PDHX: variants seen among roughly 807,000 people sequenced by gnomAD.
PDHX encodes pyruvate dehydrogenase complex component X.
A neutral mutation model predicts 55.3 loss-of-function variants in PDHX; 33 were observed. That is an observed-to-expected ratio of 0.60 (90% confidence interval 0.45 to 0.80). The LOEUF is 0.80. Among genes scored for constraint, PDHX ranks in the 30% least tolerant of loss-of-function variants. The pLI is 0.00. For synonymous variants in PDHX, 226 were observed against 219.4 expected (o/e 1.03, Z -0.27); for missense variants, 622 against 619.9 (o/e 1.00, Z -0.04).
rs571507210 is a variant in PDHX at position 34,953,825 on chromosome 11, A to G, written c.343-3559A>G. Among the ~76,000 whole-genome samples, 8 of 152,328 alleles carry G rather than the reference A, an allele frequency of 5.3e-5. No homozygotes were observed. The South Asian group carries it at 6.2e-4, about 12-fold the overall frequency. ...AATTTTCTCATCTATAAATGGGAAT[A>G]ATGATAGTATTTACCTCAGAAGGTT... is the stretch of plus-strand genomic sequence containing the variant. On this transcript the variant is annotated intron_variant, in intron 3 of 10. Transcript: ENST00000227868.
intron 8 of PDHX, among the ~76,000 whole-genome samples, chr11:34,983,109 G>A (rs996864939): frequency 2.0e-5 from 3 of 152,168 alleles, no homozygotes; most frequent in Admixed American, 6.5e-5. Context: ...GGATGCAAGG[G>A]TGGTTCAACA....
At chr11:34,916,568 C>A (rs2956110), upstream of PDHX, 1,042,429 of 1,561,500 alleles carry the variant, frequency 0.67, 351,851 homozygotes, top group East Asian at 0.73. Context: ...CCGCTAGCGT[C>A]TGGGGGCGTG....
rs143392445 is a variant in PDHX at position 34,946,805 on chromosome 11, C to A, written c.242-701C>A. 2.6e-3 allele frequency among the ~76,000 whole-genome samples: 389 copies of A among 152,218 alleles called. 5 individuals carry two copies. The highest frequency in any genetic ancestry group is 3.5e-3 in the Non-Finnish European group (235 of 68,002). On this transcript the variant is annotated intron_variant, in intron 2 of 10. Coordinates refer to ENST00000227868, the MANE Select transcript of PDHX (RefSeq NM_003477.3). ...CCAAATAGTGAATCTGATTTGAGTC[C>A]CCTATATCCAACAGACTACTTTTAG...
In PDHX at chr11:34,992,427, A is replaced by G. The variant is rs775864790; in HGVS notation, c.1247+48A>G. ...TCCATAGCATCAAACAGATAGATGT[A>G]AGACTTATAAAGTCCCTGTCAGCCT... On this transcript the variant is annotated intron_variant, in intron 10 of 10. Coordinates refer to ENST00000227868, the MANE Select transcript of PDHX (RefSeq NM_003477.3). 4 of 916,328 alleles carry G rather than the reference A, an allele frequency of 4.4e-6. No homozygotes were observed. The Admixed American group carries it at 6.9e-5, about 16-fold the overall frequency. 56.8% of individuals were successfully genotyped at this position (916,328 alleles called of 1,614,324 possible). A position where few individuals can be genotyped will look rare whatever the true frequency, so the allele number is the denominator to read the frequency against.
chr11:34,926,870 G>A (rs1310342619), intron 1 of PDHX, among the ~76,000 whole-genome samples: 1 of 152,014 alleles, frequency 6.6e-6, no homozygotes, highest in Non-Finnish European at 1.5e-5. Context: ...AATTGGAAGA[G>A]CCCATTTGAG....
At chr11:34,933,569 G>A (rs1180653720) in intron 2 of PDHX, among the ~76,000 whole-genome samples, 1 of 152,154 alleles carries the variant, frequency 6.6e-6, no homozygotes, top group Non-Finnish European at 1.5e-5. Context: ...ACCCTGTGAT[G>A]GTAAATTTTC....
At chr11:34,985,497 C>A (rs1025469319) in intron 9 of PDHX, among the ~76,000 whole-genome samples, 5 of 152,168 alleles carry the variant, frequency 3.3e-5, no homozygotes, top group African/African-American at 1.2e-4. Context: ...TTCAGGATTT[C>A]TTGAAAAGCA....
At position 34,960,801 on chromosome 11, in the gene PDHX, T is replaced by C. The variant is rs1855008674; in HGVS notation, c.641+283T>C. 2.6e-5 allele frequency among the ~76,000 whole-genome samples: 4 copies of C among 152,288 alleles called. No individual in the cohort carries two copies. The South Asian group carries it at 8.3e-4, about 32-fold the overall frequency. On this transcript the variant is annotated intron_variant, in intron 5 of 10. Coordinates refer to ENST00000227868, the MANE Select transcript of PDHX (RefSeq NM_003477.3). ...AATTAGAGCGTAGAACAGTGAAACT[T>C]TATACAGTATTAAATATGTGAAATC...
At chr11:34,977,290 G>C (rs142285980) in intron 7 of PDHX, among the ~76,000 whole-genome samples, 1 of 152,132 alleles carries the variant, frequency 6.6e-6, no homozygotes, top group Non-Finnish European at 1.5e-5. Context: ...TTGCAAGAAA[G>C]AATCAAGTGT....
At chr11:34,929,635 CATTA>C (rs1255703271) in intron 1 of PDHX, among the ~76,000 whole-genome samples, 2 of 152,148 alleles carry the variant, frequency 1.3e-5, no homozygotes, top group Non-Finnish European at 2.9e-5. Context: ...TATCAATAAC[CATTA>C]ATTAATTGAT....
Position 34,966,688 on chromosome 11 carries a change from G to A in PDHX, c.690G>A (p.Glu230=), listed in dbSNP as rs1203846903. ...VQLKQTGKIT[E]SRPTPAPTAT... ...TGAAACAAACGGGCAAGATTACCGA[G>A]TCCAGACCAACTCCAGCCCCCACAG... is the stretch of plus-strand genomic sequence containing the variant. Residue 230 remains glutamate (E), a synonymous_variant, in exon 6 of 11, where the codon GAG becomes GAA. Coordinates refer to ENST00000227868, the MANE Select transcript of PDHX (RefSeq NM_003477.3). 3.7e-6 allele frequency: 6 copies of A among 1,613,912 alleles called. No homozygotes were observed. The highest frequency in any genetic ancestry group is 5.1e-6 in the Non-Finnish European group (6 of 1,180,004).
intron 1 of PDHX, 137 bp from the exon 2 acceptor site, chr11:34,931,267 A>G: frequency 1.5e-6 from 1 of 658,160 alleles, no homozygotes; most frequent in Non-Finnish European, 2.8e-6. Context: ...GACTTAGTTT[A>G]CCAGTTGGGA....
intron 1 of PDHX, among the ~76,000 whole-genome samples, chr11:34,930,765 C>T (rs1854141593): frequency 6.6e-6 from 1 of 152,222 alleles, no homozygotes. Context: ...GTCTACTTCT[C>T]TGGATCCCCA....
chr11:34,970,993 G>A (rs1185578339), intron 7 of PDHX, among the ~76,000 whole-genome samples: 1 of 152,120 alleles, frequency 6.6e-6, no homozygotes, highest in Non-Finnish European at 1.5e-5. Context: ...AATGAGTTGT[G>A]TAGACCAAAT....
At chr11:34,942,626 C>T (rs978395619) in intron 2 of PDHX, among the ~76,000 whole-genome samples, 2 of 152,124 alleles carry the variant, frequency 1.3e-5, no homozygotes, top group Non-Finnish European at 2.9e-5. Flanking sequence ...ATATTCATGG[C>T]TCATTATTTG....
chr11:34,968,855 C>A (rs116005714), intron 6 of PDHX, among the ~76,000 whole-genome samples: 2,201 of 152,186 alleles, frequency 0.014, 47 homozygotes, highest in African/African-American at 0.051. Context: ...TTAAAACAAT[C>A]TTCTCAAATT....
At chr11:34,921,582 A>T (rs890172851) in intron 1 of PDHX, among the ~76,000 whole-genome samples, 1 of 152,206 alleles carries the variant, frequency 6.6e-6, no homozygotes, top group African/African-American at 2.4e-5. Context: ...ATCTGACTAA[A>T]ATAGGCCAGT....
At position 34,947,551 on chromosome 11, in the gene PDHX, A is replaced by T; in HGVS notation, c.287A>T (p.Asp96Val). 2 of 1,613,716 alleles carry T rather than the reference A, an allele frequency of 1.2e-6. No homozygotes were observed. The highest frequency in any genetic ancestry group is 1.7e-6 in the Non-Finnish European group (2 of 1,179,668). Residue 96 changes from aspartate to valine, a missense_variant, in exon 3 of 11, where the codon GAC (aspartate) becomes GTC (valine). Transcript: ENST00000227868. ...AGDALCEIET[D>V]KAVVTLDASD... ...GATGCATTATGTGAAATTGAGACTG[A>T]CAAAGCTGTGGTTACCTTAGATGCA... is the stretch of plus-strand genomic sequence containing the variant.
intron 6 of PDHX, among the ~76,000 whole-genome samples, chr11:34,967,907 C>G (rs1222911007): frequency 2.6e-5 from 4 of 152,020 alleles, no homozygotes; most frequent in Non-Finnish European, 4.4e-5. Context: ...AGTGTATAGT[C>G]CACTCTTTGA....
Sources: allele counts gnomAD v4.1 joint callset (sites outside exome capture counted in the v4.1 genomes callset), GRCh38; gene constraint gnomAD v4.1.1; transcripts MANE v1.5; gene names NCBI Gene and HGNC (gene_info 2026-07-23, HGNC 2026-07-21).